The following ACTR3C variants were observed in gnomAD, a reference collection of about 807,000 sequenced individuals.
The protein encoded by ACTR3C is actin-related protein 3C.
ACTR3C carries 18 observed loss-of-function variants against 26.3 expected under a neutral mutation model. That is an observed-to-expected ratio of 0.68 (90% CI 0.47 to 1.01). The LOEUF is 1.01. Among genes scored for constraint, ACTR3C ranks in the 50% least tolerant of loss-of-function variants. The pLI, the probability that ACTR3C is intolerant of heterozygous loss-of-function variation, is 0.00. For missense variants in ACTR3C, 184 were observed against 250.7 expected (o/e 0.73, Z 1.80); for synonymous variants, 55 against 94.5 (o/e 0.58, Z 2.42).
chr7:150,034,465 C>G, the ACTR3C span, among the ~76,000 whole-genome samples: 61 of 148,970 alleles, frequency 4.1e-4, 1 homozygote, highest in Middle Eastern at 3.5e-3. Flanking sequence ...CATTTCAAAA[C>G]TTCCATGTCC....
chr7:149,928,058 C>T, the ACTR3C span, among the ~76,000 whole-genome samples: 2 of 152,106 alleles, frequency 1.3e-5, no homozygotes, highest in South Asian at 4.1e-4. Context: ...TGAGAATGCA[C>T]ACTAATGAGT....
At chr7:150,161,727 T>A in the ACTR3C span, among the ~76,000 whole-genome samples, 15 of 152,294 alleles carry the variant, frequency 9.8e-5, no homozygotes, top group East Asian at 2.3e-3. Flanking sequence ...GTATGTTTAT[T>A]GCAGCACTAC....
chr7:150,063,507 C>T, the ACTR3C span, among the ~76,000 whole-genome samples: 2 of 151,276 alleles, frequency 1.3e-5, no homozygotes, highest in Non-Finnish European at 2.9e-5. Context: ...CTGGGAAGGC[C>T]GTCTTCCTAC....
chr7:150,148,375 G>A, the ACTR3C span, among the ~76,000 whole-genome samples: 10 of 152,200 alleles, frequency 6.6e-5, no homozygotes, highest in East Asian at 1.9e-3. Context: ...TACTTGGGAG[G>A]CTGAGGCAGG....
the ACTR3C span, among the ~76,000 whole-genome samples, chr7:150,226,490 G>A: frequency 2.6e-5 from 4 of 152,176 alleles, no homozygotes; most frequent in Admixed American, 2.0e-4. Context: ...AGACTGGAGT[G>A]CAGTGGTACA....
At chr7:150,023,222 T>C in the ACTR3C span, among the ~76,000 whole-genome samples, 23 of 145,432 alleles carry the variant, frequency 1.6e-4, no homozygotes, top group African/African-American at 5.5e-4. Context: ...TATCTCTATA[T>C]AGATCTCTAT....
At chr7:150,198,964 C>T in the ACTR3C span, among the ~76,000 whole-genome samples, 10 of 136,112 alleles carry the variant, frequency 7.3e-5, no homozygotes, top group East Asian at 2.3e-4. Context: ...CCAGCCGCCC[C>T]GTCCGGGAGG....
the ACTR3C span, among the ~76,000 whole-genome samples, chr7:150,133,816 C>CA: frequency 1.3e-5 from 2 of 152,296 alleles, no homozygotes; most frequent in East Asian, 3.9e-4. Flanking sequence ...GGGCACACTG[C>CA]AGTCTTGACC....
At chr7:150,039,965 C>T in the ACTR3C span, among the ~76,000 whole-genome samples, 2 of 140,998 alleles carry the variant, frequency 1.4e-5, 1 homozygote, top group Admixed American at 1.4e-4. Context: ...TTCGCAGTCC[C>T]CGCCTCGCGG....
At chr7:150,314,500 T>C (rs1796634532) in intron 1 of ACTR3C, among the ~76,000 whole-genome samples, 1 of 152,166 alleles carries the variant, frequency 6.6e-6, no homozygotes, top group Non-Finnish European at 1.5e-5. Flanking sequence ...GAGCTTTGTG[T>C]ATGTCACTAT....
chr7:150,039,056 G>A, the ACTR3C span, among the ~76,000 whole-genome samples: 3 of 142,992 alleles, frequency 2.1e-5, no homozygotes, highest in African/African-American at 5.3e-5. Context: ...ACCTGCTGTC[G>A]GAAGATTTGA....
the ACTR3C span, among the ~76,000 whole-genome samples, chr7:150,225,911 G>A: frequency 6.6e-6 from 1 of 152,070 alleles, no homozygotes; most frequent in Non-Finnish European, 1.5e-5. Flanking sequence ...CACTGTTTTT[G>A]CCATTTTCAG....
At chr7:150,233,328 T>C in the ACTR3C span, among the ~76,000 whole-genome samples, 1 of 150,578 alleles carries the variant, frequency 6.6e-6, no homozygotes, top group African/African-American at 2.5e-5. Context: ...TTACTTTTTC[T>C]CTGACTCCTT....
the ACTR3C span, among the ~76,000 whole-genome samples, chr7:149,911,914 G>A: frequency 6.6e-6 from 1 of 150,734 alleles, no homozygotes; most frequent in Non-Finnish European, 1.5e-5. Context: ...ATAGACTGAG[G>A]CAAGAGGACC....
chr7:149,904,244 C>CTTT, the ACTR3C span, among the ~76,000 whole-genome samples: 1 of 149,260 alleles, frequency 6.7e-6, no homozygotes, highest in Non-Finnish European at 1.5e-5. Flanking sequence ...TTAAAGAATA[C>CTTT]TTTAAGGCCA....
the ACTR3C span, among the ~76,000 whole-genome samples, chr7:150,204,910 G>A: frequency 6.6e-6 from 1 of 152,184 alleles, no homozygotes; most frequent in Non-Finnish European, 1.5e-5. Flanking sequence ...GGAGGAGCAA[G>A]GAACATAGCA....
the ACTR3C span, among the ~76,000 whole-genome samples, chr7:149,961,254 G>A: frequency 6.6e-6 from 1 of 151,872 alleles, no homozygotes; most frequent in African/African-American, 2.4e-5. Context: ...CTCATGGGAA[G>A]TGTATACTCA....
the ACTR3C span, among the ~76,000 whole-genome samples, chr7:150,166,011 CAT>C: frequency 4.0e-5 from 6 of 151,794 alleles, no homozygotes; most frequent in African/African-American, 1.5e-4. Flanking sequence ...CTGAAACACA[CAT>C]GATTTTTATA....
At chr7:150,162,916 C>T in the ACTR3C span, among the ~76,000 whole-genome samples, 1 of 152,080 alleles carries the variant, frequency 6.6e-6, no homozygotes, top group Non-Finnish European at 1.5e-5. Flanking sequence ...CTTTGAGAGG[C>T]CAAGGCAGGT....
Sources: gnomAD v4.1 joint callset for allele counts (sites outside exome capture counted in the v4.1 genomes callset) on GRCh38, gnomAD v4.1.1 for gene constraint, MANE v1.5 for transcripts, NCBI Gene and HGNC (gene_info 2026-07-23, HGNC 2026-07-21) for gene names.